ZPBP: variants seen among roughly 807,000 people sequenced by gnomAD.
The protein encoded by ZPBP is zona pellucida binding protein, also known as zona pellucida-binding protein 1.
In ZPBP, 26 loss-of-function variants were observed where a neutral mutation model predicts 44.8. The observed-to-expected ratio is 0.58, with a 90% confidence interval of 0.43 to 0.81. The LOEUF (loss-of-function observed/expected upper bound fraction) is 0.81, where lower values mean the gene tolerates loss of function less well. ZPBP is among the 30% of genes least tolerant of loss of function. ZPBP has a pLI of 0.00. For missense variants in ZPBP, 409 were observed against 434.0 expected (o/e 0.94, Z 0.51); for synonymous variants, 174 against 153.2 (o/e 1.14, Z -1.00).
intron 7 of ZPBP, among the ~76,000 whole-genome samples, chr7:49,963,910 T>C (rs1795956740): frequency 6.6e-6 from 1 of 151,652 alleles, no homozygotes; most frequent in South Asian, 2.1e-4. Context: ...GAAAAAGGAA[T>C]TATAATAAAA....
intron 6 of ZPBP, among the ~76,000 whole-genome samples, chr7:50,006,161 G>C (rs1363642793): frequency 2.0e-5 from 3 of 151,754 alleles, no homozygotes; most frequent in South Asian, 2.1e-4. Context: ...AATATGGACA[G>C]AATTGAAGAG....
chr7:50,088,014 A>C (rs978527343), intron 2 of ZPBP, among the ~76,000 whole-genome samples: 2 of 152,036 alleles, frequency 1.3e-5, no homozygotes, highest in African/African-American at 4.8e-5. Context: ...ACTCACACTT[A>C]ATGATTTCAA....
chr7:49,986,450 C>T (rs1298451549), intron 6 of ZPBP, among the ~76,000 whole-genome samples: 2 of 152,198 alleles, frequency 1.3e-5, no homozygotes, highest in Non-Finnish European at 2.9e-5. Flanking sequence ...GCGTGGCAGG[C>T]TGGCCAGCAT....
chr7:49,879,504 A>G (rs570006800), intron 2 of ZPBP, among the ~76,000 whole-genome samples: 125 of 152,276 alleles, frequency 8.2e-4, no homozygotes, highest in African/African-American at 3.0e-3. Flanking sequence ...AATAGAATGC[A>G]GAATCACCAA....
intron 7 of ZPBP, among the ~76,000 whole-genome samples, chr7:49,972,870 G>A (rs1344727369): frequency 1.3e-5 from 2 of 151,622 alleles, no homozygotes; most frequent in Admixed American, 1.3e-4. Context: ...TGGCATAAAG[G>A]CAGACATACA....
intron 7 of ZPBP, chr7:49,944,291 T>C (rs1388724442): frequency 1.3e-5 from 4 of 304,660 alleles, no homozygotes; most frequent in Admixed American, 3.8e-5. Flanking sequence ...ACAGCTGTTC[T>C]TGTATTTCTT....
chr7:49,944,760 T>C (rs1448063546), intron 7 of ZPBP, among the ~76,000 whole-genome samples: 5 of 152,158 alleles, frequency 3.3e-5, no homozygotes, highest in African/African-American at 1.2e-4. Context: ...TTATCTTCTT[T>C]TTTTCTTAGT....
chr7:50,061,090 G>A (rs1337474822), intron 3 of ZPBP, among the ~76,000 whole-genome samples: 1 of 152,038 alleles, frequency 6.6e-6, no homozygotes, highest in Admixed American at 6.6e-5. Flanking sequence ...ATGCAGAAAA[G>A]CCATTCAATG....
intron 4 of ZPBP, among the ~76,000 whole-genome samples, chr7:50,034,250 T>A (rs1799731968): frequency 6.6e-6 from 1 of 151,912 alleles, no homozygotes; most frequent in Non-Finnish European, 1.5e-5. Flanking sequence ...TGACTATGAC[T>A]CTGCAGACTA....
At chr7:50,080,667 T>C (rs796573665) in intron 3 of ZPBP, among the ~76,000 whole-genome samples, 2 of 151,990 alleles carry the variant, frequency 1.3e-5, no homozygotes, top group African/African-American at 4.8e-5. Context: ...TATTACATTA[T>C]GTGCTACTAT....
At chr7:50,022,974 G>GT (rs1799162424) in intron 5 of ZPBP, among the ~76,000 whole-genome samples, 1 of 152,062 alleles carries the variant, frequency 6.6e-6, no homozygotes, top group Non-Finnish European at 1.5e-5. Context: ...AACCCCACAA[G>GT]TTCTCAGGGT....
chr7:49,847,160 A>G (rs1026305883), downstream of ZPBP, among the ~76,000 whole-genome samples: 1 of 151,566 alleles, frequency 6.6e-6, no homozygotes, highest in Non-Finnish European at 1.5e-5. Context: ...CTGCCAGGAT[A>G]TAAGAATCCC....
At chr7:50,067,195 C>T (rs1327028593) in intron 3 of ZPBP, among the ~76,000 whole-genome samples, 4 of 152,068 alleles carry the variant, frequency 2.6e-5, no homozygotes, top group African/African-American at 9.7e-5. Context: ...TTTACGTTTG[C>T]CTTTCCCTTT....
At chr7:50,009,234 C>CAAAAAAA (rs57312395) in intron 6 of ZPBP, among the ~76,000 whole-genome samples, 1 of 125,214 alleles carries the variant, frequency 8.0e-6, no homozygotes, top group African/African-American at 3.1e-5. Flanking sequence ...GACTCTGTCT[C>CAAAAAAA]AAAAAAAAAA....
In ZPBP at chr7:49,981,311, ATATTATATAATATATAT is replaced by A. The variant is rs1562818959; in HGVS notation, c.961+2014_961+2030del. Among the ~76,000 whole-genome samples, 341 of 57,620 alleles carry A rather than the reference ATATTATATAATATATAT, an allele frequency of 5.9e-3. 22 individuals carry two copies. The South Asian group carries it at 0.14, about 23-fold the overall frequency. 37.8% of individuals were successfully genotyped at this position (57,620 alleles called of 152,430 possible). ...TATAATATATATTATATATAATTAT[ATATTATATAATATATAT>A]TATAATTATATATATTATATAATAT... On this transcript the variant is annotated intron_variant, in intron 7 of 7. Coordinates refer to ENST00000046087, the MANE Select transcript of ZPBP (RefSeq NM_007009.3).
In ZPBP at chr7:50,093,172, GGGCCAAGGGCGAA is replaced by G; in HGVS notation, c.10_22del (p.Phe4GlnfsTer48). On this transcript the variant is annotated frameshift_variant, in exon 1 of 8. Transcript: ENST00000046087. LOFTEE classifies it high-confidence loss of function. Reference sequence around the variant, plus strand: ...GGTCCGCCGCCTGCCCCGCCGCGCTGGGCCAAGGGCGAAGGCCTCCATCCACACGCCGCCGTCG... The same window carrying G: ...GGTCCGCCGCCTGCCCCGCCGCGCTGGGCCTCCATCCACACGCCGCCGTCG... 1 of 1,536,662 alleles carries G rather than the reference GGGCCAAGGGCGAA, an allele frequency of 6.5e-7. No individual in the cohort carries two copies. Among genetic ancestry groups the G allele is most frequent in the Non-Finnish European group, 8.7e-7 (1 of 1,143,056 alleles).
At chr7:50,084,407 A>G (rs7785480) in intron 2 of ZPBP, among the ~76,000 whole-genome samples, 2,356 of 152,036 alleles carry the variant, frequency 0.015, 74 homozygotes, top group African/African-American at 0.053. Flanking sequence ...AACAGAATAA[A>G]CTAAAAGTTC....
intron 2 of ZPBP, among the ~76,000 whole-genome samples, chr7:49,870,742 T>G (rs1791114893): frequency 6.6e-6 from 1 of 152,194 alleles, no homozygotes; most frequent in South Asian, 2.1e-4. Context: ...TAATCCACAC[T>G]GCTGAAAATG....
At chr7:50,055,589 C>T (rs1007349045) in intron 4 of ZPBP, among the ~76,000 whole-genome samples, 1 of 152,122 alleles carries the variant, frequency 6.6e-6, no homozygotes, top group African/African-American at 2.4e-5. Flanking sequence ...TGTTTCCTTA[C>T]ATTTACGAGA....
Sources: gnomAD v4.1 joint callset for allele counts (sites outside exome capture counted in the v4.1 genomes callset) on GRCh38, gnomAD v4.1.1 for gene constraint, MANE v1.5 for transcripts, NCBI Gene and HGNC (gene_info 2026-07-23, HGNC 2026-07-21) for gene names.